The following RBFOX1 variants were observed in gnomAD, a reference collection of about 807,000 sequenced individuals.
RBFOX1 encodes RNA binding protein fox-1 homolog 1.
RBFOX1 carries 8 observed loss-of-function variants against 57.7 expected under a neutral mutation model. That is an observed-to-expected ratio of 0.14 (90% CI 0.08 to 0.25). The LOEUF is 0.25. Among genes scored for constraint, RBFOX1 ranks in the 10% least tolerant of loss-of-function variants. RBFOX1 has a pLI of 1.00. For synonymous variants in RBFOX1, 326 were observed against 222.4 expected (o/e 1.47, Z -4.15); for missense variants, 611 against 548.5 (o/e 1.11, Z -1.14).
chr16:7,264,642 T>G (rs1290794878), intron 4 of RBFOX1, among the ~76,000 whole-genome samples: 2 of 152,242 alleles, frequency 1.3e-5, no homozygotes, highest in Non-Finnish European at 2.9e-5. Context: ...GACACTGGAA[T>G]TTGCATTTCA....
intron 4 of RBFOX1, among the ~76,000 whole-genome samples, chr16:7,333,440 A>T (rs1177110576): frequency 1.3e-5 from 2 of 152,214 alleles, no homozygotes; most frequent in African/African-American, 4.8e-5. Context: ...AAAGTAACTT[A>T]TCATGAGGTG....
At chr16:5,966,540 C>G (rs1596313163) in intron 4 of RBFOX1, among the ~76,000 whole-genome samples, 2 of 152,214 alleles carry the variant, frequency 1.3e-5, no homozygotes, top group Non-Finnish European at 2.9e-5. Context: ...TCACTGCAAT[C>G]TCCGCCTCCC....
intron 3 of RBFOX1, among the ~76,000 whole-genome samples, chr16:6,803,684 A>G (rs1022393544): frequency 1.7e-4 from 26 of 152,208 alleles, no homozygotes; most frequent in African/African-American, 5.8e-4. Context: ...AAATATGCAG[A>G]TATTTTACCA....
chr16:5,477,778 C>T (rs1428253748), intron 2 of RBFOX1, among the ~76,000 whole-genome samples: 1 of 152,100 alleles, frequency 6.6e-6, no homozygotes, highest in Non-Finnish European at 1.5e-5. Flanking sequence ...ACAGAAAAGA[C>T]CTCCTAGAAA....
At chr16:6,906,205 C>G (rs2069863966) in intron 3 of RBFOX1, among the ~76,000 whole-genome samples, 1 of 151,690 alleles carries the variant, frequency 6.6e-6, no homozygotes, top group Non-Finnish European at 1.5e-5. Flanking sequence ...TAGAAGGTGC[C>G]CATCCTATGG....
At chr16:5,772,003 C>A (rs886252474) in intron 3 of RBFOX1, among the ~76,000 whole-genome samples, 1 of 152,058 alleles carries the variant, frequency 6.6e-6, no homozygotes, top group East Asian at 1.9e-4. Context: ...GAAACCCTGT[C>A]TCTATTAAAA....
In RBFOX1 at chr16:6,278,333, A is replaced by AT. The variant is rs1011044209; in HGVS notation, c.-126-38651dup. ...TTGCCCTGCAAGGTTCCTTCAAGTT[A>AT]TTTTTTTTTTTCGTCTCCAACTGGG... On this transcript the variant is annotated intron_variant, in intron 1 of 15. Transcript: ENST00000550418. Among the ~76,000 whole-genome samples the AT allele has an allele frequency of 8.7e-4, 84 of 96,590 alleles. 1 individual carries two copies. The South Asian group carries it at 0.013, about 15-fold the overall frequency. The allele number at this position is 96,590 out of a possible 152,430, so 63.4% of individuals were successfully genotyped here.
intron 2 of RBFOX1, among the ~76,000 whole-genome samples, chr16:5,494,355 C>G (rs2042931528): frequency 6.6e-6 from 1 of 152,204 alleles, no homozygotes. Flanking sequence ...TTGTCAGACT[C>G]TGACCTGCAT....
At chr16:6,361,354 G>A (rs1272723746) in intron 2 of RBFOX1, among the ~76,000 whole-genome samples, 1 of 152,136 alleles carries the variant, frequency 6.6e-6, no homozygotes, top group Non-Finnish European at 1.5e-5. Flanking sequence ...GCTGGGCCAG[G>A]CGCGGTGGCT....
At chr16:5,398,787 A>G (rs1314543943) in intron 1 of RBFOX1, among the ~76,000 whole-genome samples, 2 of 152,132 alleles carry the variant, frequency 1.3e-5, no homozygotes, top group East Asian at 3.9e-4. Context: ...AGTTCTGGTG[A>G]GCAGCACGTT....
chr16:5,570,588 C>T (rs1419349198), intron 2 of RBFOX1, among the ~76,000 whole-genome samples: 1 of 152,052 alleles, frequency 6.6e-6, no homozygotes. Flanking sequence ...GCCTGTAATC[C>T]CAGCACTTTG....
At chr16:5,655,443 G>A (rs998121283) in intron 3 of RBFOX1, among the ~76,000 whole-genome samples, 1 of 152,176 alleles carries the variant, frequency 6.6e-6, no homozygotes, top group Non-Finnish European at 1.5e-5. Context: ...GAGCATATCT[G>A]GCAGGAAATG....
intron 4 of RBFOX1, among the ~76,000 whole-genome samples, chr16:7,313,578 A>AGCC (rs1382083361): frequency 6.6e-6 from 1 of 151,638 alleles, no homozygotes; most frequent in Non-Finnish European, 1.5e-5. Flanking sequence ...GAGATAAGCC[A>AGCC]GCCTTCTTCC....
chr16:7,484,059 G>C (rs1021613686), intron 4 of RBFOX1, among the ~76,000 whole-genome samples: 3 of 151,944 alleles, frequency 2.0e-5, no homozygotes, highest in African/African-American at 7.3e-5. Flanking sequence ...CTGTTGTTTT[G>C]AATTTCATAA....
At chr16:6,784,814 C>T (rs931155659) in intron 3 of RBFOX1, among the ~76,000 whole-genome samples, 1 of 151,844 alleles carries the variant, frequency 6.6e-6, no homozygotes, top group Non-Finnish European at 1.5e-5. Flanking sequence ...CTTGTTCCAC[C>T]TCATATATTT....
intron 1 of RBFOX1, among the ~76,000 whole-genome samples, chr16:5,437,230 C>A (rs1016155111): frequency 1.5e-4 from 23 of 152,128 alleles, no homozygotes; most frequent in Admixed American, 2.0e-4. Context: ...ACTGAAAGAC[C>A]TTCTTGAATT....
chr16:7,194,993 G>C (rs1425835900), intron 4 of RBFOX1, among the ~76,000 whole-genome samples: 1 of 150,610 alleles, frequency 6.6e-6, no homozygotes, highest in Non-Finnish European at 1.5e-5. Context: ...ATTTTATCGA[G>C]GTTAATAAAA....
At chr16:5,590,064 C>G (rs1035821596) in intron 2 of RBFOX1, among the ~76,000 whole-genome samples, 32 of 143,866 alleles carry the variant, frequency 2.2e-4, no homozygotes, top group African/African-American at 8.3e-4. Context: ...CACACACACA[C>G]ACACACACAC....
chr16:7,460,370 A>ATATATATATATATATATATAT (rs1555477558), intron 4 of RBFOX1, among the ~76,000 whole-genome samples: 3 of 76,008 alleles, frequency 3.9e-5, no homozygotes, highest in South Asian at 5.4e-4. Flanking sequence ...CATTTAGCAA[A>ATATATATATATATATATATAT]ATATATATAT....
Sources: gnomAD v4.1 joint callset for allele counts (sites outside exome capture counted in the v4.1 genomes callset) on GRCh38, gnomAD v4.1.1 for gene constraint, MANE v1.5 for transcripts, NCBI Gene and HGNC (gene_info 2026-07-23, HGNC 2026-07-21) for gene names.